Variants in TMBIM6 observed in about 807,000 individuals in gnomAD.
TMBIM6 encodes the protein bax inhibitor 1.
TMBIM6 carries 13 observed loss-of-function variants against 31.4 expected under a neutral mutation model. The ratio of observed to expected loss-of-function variants is 0.41; its 90% CI spans 0.27 to 0.66. The LOEUF is 0.66. Ranked by LOEUF, TMBIM6 falls within the 30% of genes least tolerant of loss-of-function variation. The pLI is 0.28. For synonymous variants in TMBIM6, 85 were observed against 101.7 expected (o/e 0.84, Z 0.99); for missense variants, 275 against 289.5 (o/e 0.95, Z 0.36).
At chr12:49,742,009 C>T (rs1592717555) in intron 1 of TMBIM6, 1 of 1,370,700 alleles carries the variant, frequency 7.3e-7, no homozygotes, top group East Asian at 2.5e-5. Context: ...GCACGTCCTT[C>T]CGAGGTGAAG....
chr12:49,753,181 CTTT>C, intron 3 of TMBIM6, 100 bp downstream of exon 3: 1 of 787,384 alleles, frequency 1.3e-6, no homozygotes, highest in Non-Finnish European at 2.0e-6. Context: ...TCTCTTTAAT[CTTT>C]ATCAGTAGTT....
intron 1 of TMBIM6, among the ~76,000 whole-genome samples, chr12:49,751,065 GTTC>G (rs1945484745): frequency 6.6e-6 from 1 of 152,196 alleles, no homozygotes; most frequent in African/African-American, 2.4e-5. Flanking sequence ...AGAGATGAAA[GTTC>G]TTGACTGGAT....
intron 9 of TMBIM6, chr12:49,762,165 A>T (rs1412689699): frequency 5.3e-6 from 1 of 189,924 alleles, no homozygotes; most frequent in Non-Finnish European, 1.1e-5. Context: ...CATTCTATAT[A>T]GGGCTAATGA....
At chr12:49,756,958 T>C (rs1366465216) in intron 4 of TMBIM6, among the ~76,000 whole-genome samples, 1 of 151,968 alleles carries the variant, frequency 6.6e-6, no homozygotes, top group Non-Finnish European at 1.5e-5. Context: ...GGTCTCGAAC[T>C]CCTGACCTCG....
At chr12:49,746,121 C>T (rs1218012031) in intron 1 of TMBIM6, among the ~76,000 whole-genome samples, 6 of 149,752 alleles carry the variant, frequency 4.0e-5, no homozygotes, top group East Asian at 3.9e-4. Flanking sequence ...CTCACTCTGT[C>T]GCCCAGGCTG....
intron 8 of TMBIM6, among the ~76,000 whole-genome samples, chr12:49,761,267 G>C (rs1945713950): frequency 6.6e-6 from 1 of 152,116 alleles, no homozygotes; most frequent in African/African-American, 2.4e-5. Flanking sequence ...TGCAGTAGGA[G>C]AGTGGCACTG....
intron 8 of TMBIM6, among the ~76,000 whole-genome samples, chr12:49,761,268 A>T (rs1945713990): frequency 6.6e-6 from 1 of 151,804 alleles, no homozygotes; most frequent in African/African-American, 2.4e-5. Context: ...GCAGTAGGAG[A>T]GTGGCACTGT....
intron 3 of TMBIM6, among the ~76,000 whole-genome samples, chr12:49,753,956 T>C (rs1382270292): frequency 6.7e-6 from 1 of 149,894 alleles, no homozygotes; most frequent in Admixed American, 6.7e-5. Flanking sequence ...AGAGTCTCGC[T>C]CTGTTACTCA....
intron 1 of TMBIM6, chr12:49,742,394 G>C (rs1276777302): frequency 7.4e-7 from 1 of 1,355,670 alleles, no homozygotes; most frequent in Non-Finnish European, 9.9e-7. Context: ...TGGACCTGTG[G>C]TAACAAGTAG....
chr12:49,741,959 G>A, intron 1 of TMBIM6: 1 of 910,496 alleles, frequency 1.1e-6, no homozygotes. Flanking sequence ...AAGTGTAGAC[G>A]CAGGGCCCCT....
rs577186951 is a variant in TMBIM6, at chr12:49,763,250, A to T, written c.*354A>T. The T allele has an allele frequency of 5.2e-5, 11 of 212,316 alleles. No individual in the cohort carries two copies. In the South Asian group the frequency reaches 1.2e-3, roughly 23 times the overall value. The allele number at this position is 212,316 out of a possible 1,614,324, so 13.2% of individuals were successfully genotyped here. On this transcript the variant is annotated 3_prime_UTR_variant, in exon 10 of 10. Transcript: ENST00000267115. ...AGGCTTCATTCACCCAGTGGACCTG[A>T]ACTGTTTGGTAGAGCCACCCGGCCC...
chr12:49,752,264 C>G (rs1370708067), intron 1 of TMBIM6, among the ~76,000 whole-genome samples, 200 bp from the exon 2 acceptor site: 3 of 152,140 alleles, frequency 2.0e-5, no homozygotes, highest in Admixed American at 2.0e-4. Context: ...GCATTCAATT[C>G]CTCTGTCGTC....
Position 49,741,623 on chromosome 12 carries a change from C to G in TMBIM6, c.-31+12C>G, listed in dbSNP as rs926856132. 1.2e-5 allele frequency: 2 copies of G among 169,908 alleles called. No individual in the cohort carries two copies. Among genetic ancestry groups the G allele is most frequent in the African/African-American group, 4.8e-5 (2 of 41,498 alleles). 10.5% of individuals were successfully genotyped at this position (169,908 alleles called of 1,614,324 possible). On this transcript the variant is annotated intron_variant, in intron 1 of 9. Transcript: ENST00000267115. ...GGCGGGTTAGGAAGGTACGTCTGAA[C>G]CTAGTACTGGGCGAACTGGGAGTGA...
rs1190602306 is a variant in TMBIM6 at position 49,741,572 on chromosome 12, T to G, written c.-70T>G. 1 of 156,736 alleles carries G rather than the reference T, an allele frequency of 6.4e-6. No homozygotes were observed. 9.7% of individuals were successfully genotyped at this position (156,736 alleles called of 1,614,324 possible). A position where few individuals can be genotyped will look rare whatever the true frequency, so the allele number is the denominator to read the frequency against. On this transcript the variant is annotated 5_prime_UTR_variant, in exon 1 of 10. Transcript: ENST00000267115. ...TGGGCGAGTCAGAGCACATCCGGTG[T>G]TAGAAGCGCTGGTAGGCCTTGGAGA... is the stretch of plus-strand genomic sequence containing the variant.
chr12:49,750,773 T>A (rs1945480322), intron 1 of TMBIM6: 1 of 152,194 alleles, frequency 6.6e-6, no homozygotes, highest in South Asian at 2.1e-4. Flanking sequence ...ATTGTGATTG[T>A]TTCATTTGTG....
chr12:49,741,891 C>T (rs1308425648), intron 1 of TMBIM6: 1 of 572,222 alleles, frequency 1.7e-6, no homozygotes, highest in African/African-American at 1.9e-5. Flanking sequence ...CCCCAGAGCG[C>T]TGGCGAAGGC....
chr12:49,760,273 C>T (rs1275806700), intron 8 of TMBIM6, among the ~76,000 whole-genome samples: 1 of 151,906 alleles, frequency 6.6e-6, no homozygotes, highest in Non-Finnish European at 1.5e-5. Flanking sequence ...TTTTTAGAGA[C>T]AGGGTCTCGC....
intron 1 of TMBIM6, among the ~76,000 whole-genome samples, chr12:49,748,923 GCTC>G (rs750211870): frequency 2.0e-5 from 3 of 152,044 alleles, no homozygotes; most frequent in Non-Finnish European, 4.4e-5. Flanking sequence ...TTAACTGTGG[GCTC>G]CTCTGGAATG....
chr12:49,748,806 G>A (rs911434980), intron 1 of TMBIM6, among the ~76,000 whole-genome samples: 2 of 152,192 alleles, frequency 1.3e-5, no homozygotes, highest in African/African-American at 4.8e-5. Flanking sequence ...TTAGAGGTGT[G>A]AAAGGACTGC....
Sources: gnomAD v4.1 joint callset for allele counts (sites outside exome capture counted in the v4.1 genomes callset) on GRCh38, gnomAD v4.1.1 for gene constraint, MANE v1.5 for transcripts, NCBI Gene and HGNC (gene_info 2026-07-23, HGNC 2026-07-21) for gene names.